CREB5: variants seen among roughly 807,000 people sequenced by gnomAD.
CREB5 encodes cAMP responsive element binding protein 5.
A neutral mutation model predicts 57.1 loss-of-function variants in CREB5; 19 were observed. The observed-to-expected ratio is 0.33, with a 90% CI of 0.23 to 0.49. The LOEUF (loss-of-function observed/expected upper bound fraction) is 0.49. Among genes scored for constraint, CREB5 ranks in the 20% least tolerant of loss-of-function variants. CREB5 has a pLI of 0.99. For missense variants in CREB5, 579 were observed against 671.6 expected (o/e 0.86, Z 1.52); for synonymous variants, 238 against 238.3 (o/e 1.00, Z 0.01).
intron 4 of CREB5, among the ~76,000 whole-genome samples, chr7:28,551,922 T>A (rs1214167783): frequency 7.8e-6 from 1 of 128,190 alleles, no homozygotes; most frequent in Non-Finnish European, 1.5e-5. Context: ...TTTCTCTTTT[T>A]TCTTTCTTTC....
chr7:28,409,111 G>T (rs568438199), upstream of CREB5, among the ~76,000 whole-genome samples: 7 of 151,790 alleles, frequency 4.6e-5, no homozygotes, highest in South Asian at 1.2e-3. The surrounding 1 kb of genome is among the most constrained non-coding windows in gnomAD (Gnocchi z 4.4). Flanking sequence ...GTCACACGGC[G>T]CTGGGCTCTG....
intron 1 of CREB5, among the ~76,000 whole-genome samples, chr7:28,462,330 G>A (rs1004162925): frequency 6.6e-6 from 1 of 152,098 alleles, no homozygotes; most frequent in African/African-American, 2.4e-5. Flanking sequence ...GGGCATTTGG[G>A]TTATTTCTAC....
intron 1 of CREB5, among the ~76,000 whole-genome samples, chr7:28,332,152 G>T (rs1044284692): frequency 5.9e-5 from 9 of 152,304 alleles, no homozygotes; most frequent in African/African-American, 1.9e-4. Flanking sequence ...AGATTGGAGT[G>T]ATGCGGCTGC....
In CREB5 at chr7:28,560,917, T is replaced by TGCGC. The variant is rs1170124048; in HGVS notation, c.292-9447_292-9446insCGCG. ...GTGTGCGTGCGCGCGTGCGTGTGCG[T>TGCGC]GTGTGCGCGTGCGTGTGTGCGTGCG... On this transcript the variant is annotated intron_variant, in intron 4 of 10. Transcript: ENST00000357727. Among the ~76,000 whole-genome samples the TGCGC allele has an allele frequency of 7.2e-4, 58 of 80,842 alleles. 2 individuals are homozygous for TGCGC. Among genetic ancestry groups the TGCGC allele is most frequent in the Non-Finnish European group, 8.6e-4 (38 of 44,164 alleles). The allele number at this position is 80,842 out of a possible 152,430, so 53.0% of individuals were successfully genotyped here. A position where few individuals can be genotyped will look rare whatever the true frequency, so the allele number is the denominator to read the frequency against.
At chr7:28,542,731 G>T (rs1794255957) in intron 4 of CREB5, among the ~76,000 whole-genome samples, 1 of 152,076 alleles carries the variant, frequency 6.6e-6, no homozygotes, top group Non-Finnish European at 1.5e-5. Flanking sequence ...ATTCCATCAA[G>T]GGGCTTTGAT....
intron 4 of CREB5, among the ~76,000 whole-genome samples, chr7:28,538,986 G>T (rs745845966): frequency 6.6e-6 from 1 of 152,168 alleles, no homozygotes; most frequent in Non-Finnish European, 1.5e-5. Context: ...TCTGCTGTTT[G>T]CTGAGACATA....
At chr7:28,633,974 A>T (rs1440652287) in intron 5 of CREB5, among the ~76,000 whole-genome samples, 1 of 152,196 alleles carries the variant, frequency 6.6e-6, no homozygotes, top group Admixed American at 6.5e-5. Context: ...AAGAAAATCA[A>T]TGTGTCTGAA....
chr7:28,491,347 C>A, intron 2 of CREB5: 2 of 652,780 alleles, frequency 3.1e-6, no homozygotes, highest in Non-Finnish European at 3.8e-6. Context: ...GCCAATTCCT[C>A]TGAGAAAGGA....
At chr7:28,505,714 G>T (rs721293) in intron 3 of CREB5, among the ~76,000 whole-genome samples, 44,839 of 152,042 alleles carry the variant, frequency 0.29, 7,442 homozygotes, top group Non-Finnish European at 0.36. Context: ...GTAACCTTGT[G>T]CAAGGAAGCT....
At chr7:28,806,540 A>G (rs1487638624) in intron 8 of CREB5, among the ~76,000 whole-genome samples, 1 of 152,236 alleles carries the variant, frequency 6.6e-6, no homozygotes, top group Non-Finnish European at 1.5e-5. Context: ...CAGAGCATCT[A>G]TGCCAAGAGA....
At chr7:28,433,774 T>G (rs1788826483) in intron 1 of CREB5, among the ~76,000 whole-genome samples, 1 of 152,052 alleles carries the variant, frequency 6.6e-6, no homozygotes, top group African/African-American at 2.4e-5. Flanking sequence ...GTGGTTGATT[T>G]ATGAGTCTGT....
At chr7:28,315,986 C>T (rs533039624) in intron 1 of CREB5, among the ~76,000 whole-genome samples, 23 of 152,238 alleles carry the variant, frequency 1.5e-4, no homozygotes, top group African/African-American at 2.9e-4. Context: ...ACATTTCCTC[C>T]GGGGAGTTTT....
chr7:28,796,623 CTCTAAGTCT>C, intron 7 of CREB5, among the ~76,000 whole-genome samples: 1 of 152,342 alleles, frequency 6.6e-6, no homozygotes, highest in Non-Finnish European at 1.5e-5. Context: ...AGACTTCTCA[CTCTAAGTCT>C]TCTGTTGTTT....
chr7:28,362,031 C>A (rs1359810563), intron 1 of CREB5, among the ~76,000 whole-genome samples: 2 of 152,134 alleles, frequency 1.3e-5, no homozygotes, highest in South Asian at 2.1e-4. Flanking sequence ...TGTGGTGAAC[C>A]CTTTACATTT....
chr7:28,586,292 G>A (rs556363982), intron 5 of CREB5, among the ~76,000 whole-genome samples: 1 of 152,310 alleles, frequency 6.6e-6, no homozygotes, highest in African/African-American at 2.4e-5. Flanking sequence ...TGCCACGACA[G>A]GAGGAGAAGG....
chr7:28,804,458 A>G lies in CREB5; in HGVS notation c.962A>G (p.His321Arg). The G allele has an allele frequency of 6.2e-7, 1 of 1,613,972 alleles. No individual in the cohort carries two copies. Among genetic ancestry groups the G allele is most frequent in the Non-Finnish European group, 8.5e-7 (1 of 1,179,990 alleles). Reference sequence around the variant, plus strand: ...CATCACCACTCCCATTCCCACCTTCATGCACACCCAGCACATCACCAGACC... The same window carrying G: ...CATCACCACTCCCATTCCCACCTTCGTGCACACCCAGCACATCACCAGACC... ...HPHHHSHSHL[H>R]AHPAHHQTSP... The change falls in exon 8 of 11, where the codon CAT becomes CGT. Residue 321 changes from histidine (H) to arginine (R), a missense_variant. Physicochemically the swap from His to Arg is conservative, Grantham distance 29. Coordinates refer to ENST00000357727, the MANE Select transcript of CREB5 (RefSeq NM_182898.4).
At chr7:28,812,548 A>G (rs1420870564) in intron 9 of CREB5, among the ~76,000 whole-genome samples, 2 of 152,230 alleles carry the variant, frequency 1.3e-5, no homozygotes, top group Non-Finnish European at 2.9e-5. Flanking sequence ...GAGTTCATGT[A>G]ACAGGCACCA....
At chr7:28,320,122 G>C (rs141037899) in intron 1 of CREB5, among the ~76,000 whole-genome samples, 4,690 of 151,780 alleles carry the variant, frequency 0.031, 242 homozygotes, top group African/African-American at 0.11. Context: ...GTAGAGACGG[G>C]GTTTCGCCAT....
intron 7 of CREB5, among the ~76,000 whole-genome samples, chr7:28,729,531 C>T (rs1423036093): frequency 6.6e-6 from 1 of 152,166 alleles, no homozygotes; most frequent in Admixed American, 6.5e-5. Flanking sequence ...CTACGGTGCC[C>T]CTTGGCCACC....
Sources: gnomAD v4.1 joint callset for allele counts (sites outside exome capture counted in the v4.1 genomes callset) on GRCh38, gnomAD v4.1.1 for gene constraint, Gnocchi (gnomAD v3.1) non-coding constraint, MANE v1.5 for transcripts, NCBI Gene and HGNC (gene_info 2026-07-23, HGNC 2026-07-21) for gene names.